The following NTRK3 variants were observed in gnomAD, a reference collection of about 807,000 sequenced individuals.
NTRK3 encodes NT-3 growth factor receptor.
A neutral mutation model predicts 91.7 loss-of-function variants in NTRK3; 24 were observed. That is an observed-to-expected ratio of 0.26 (90% CI 0.19 to 0.37). NTRK3 has a LOEUF of 0.37. NTRK3 is among the 10% of genes least tolerant of loss of function. The pLI is 1.00. For missense variants in NTRK3, 880 were observed against 1,068.9 expected, an observed-to-expected ratio of 0.82 and a Z score of 2.46; for synonymous variants, 483 against 404.0, an observed-to-expected ratio of 1.20 and a Z score of -2.34.
At chr15:88,066,163 C>T (rs1237402301) in intron 13 of NTRK3, among the ~76,000 whole-genome samples, 1 of 152,138 alleles carries the variant, frequency 6.6e-6, no homozygotes, top group Non-Finnish European at 1.5e-5. Flanking sequence ...ATGATAAAGA[C>T]CTTGCTTTTT....
At chr15:87,859,788 T>TTCTC in exon 19 of NTRK3, 1 of 176,412 alleles carries the variant, frequency 5.7e-6, no homozygotes, top group Admixed American at 6.3e-5. Context: ...AGACCCTACA[T>TTCTC]AAACTATGTC....
intron 13 of NTRK3, among the ~76,000 whole-genome samples, chr15:88,070,117 T>C (rs2046977433): frequency 6.6e-6 from 1 of 152,154 alleles, no homozygotes; most frequent in African/African-American, 2.4e-5. Flanking sequence ...TAGAGAAATA[T>C]GAGACGTCCT....
intron 10 of NTRK3, 48 bp from the exon 11 acceptor site, chr15:88,128,782 G>T: frequency 1.3e-6 from 2 of 1,533,384 alleles, no homozygotes; most frequent in South Asian, 2.2e-5. Flanking sequence ...ATAAAAACCA[G>T]AACAGACACA....
chr15:87,987,571 G>A (rs1027736736), intron 14 of NTRK3, among the ~76,000 whole-genome samples: 6 of 151,710 alleles, frequency 4.0e-5, no homozygotes, highest in African/African-American at 1.5e-4. Context: ...CTTGATTTGT[G>A]GGAGTTTGTT....
rs2048112271 is a variant in NTRK3, at chr15:88,199,509, AT to A, written c.249-15211del. Reference sequence around the variant, plus strand: ...GTCAGCTTCACCCTTGGGCAAGAACATTTAATATCCTGAAAGGAATTGTCCA... The same window carrying A: ...GTCAGCTTCACCCTTGGGCAAGAACATTAATATCCTGAAAGGAATTGTCCA... On this transcript the variant is annotated intron_variant, in intron 3 of 18. Transcript: ENST00000394480. 2.0e-5 allele frequency among the ~76,000 whole-genome samples: 3 copies of A among 152,336 alleles called. No individual in the cohort carries two copies. The South Asian group carries it at 6.2e-4, about 32-fold the overall frequency.
chr15:88,256,069 C>T, exon 3 of NTRK3: 1 of 1,613,276 alleles, frequency 6.2e-7, no homozygotes, highest in Middle Eastern at 1.7e-4. Context: ...CAAGCCAGCA[C>T]GGAGCCCACA....
chr15:87,868,164 T>C, exon 19 of NTRK3: 1 of 231,768 alleles, frequency 4.3e-6, no homozygotes, highest in Non-Finnish European at 8.5e-6. Context: ...GGCTTTTGTG[T>C]GTGTGTGTGC....
intron 13 of NTRK3, among the ~76,000 whole-genome samples, chr15:88,099,674 C>A (rs559392785): frequency 2.6e-5 from 4 of 152,308 alleles, no homozygotes; most frequent in South Asian, 2.1e-4. Context: ...AGAGAAGTCA[C>A]TTGATCTCTC....
intron 13 of NTRK3, among the ~76,000 whole-genome samples, chr15:88,124,854 G>A (rs1296983195): frequency 2.0e-5 from 3 of 152,172 alleles, no homozygotes; most frequent in Non-Finnish European, 4.4e-5. Context: ...TCTTTCTCTT[G>A]GTCAAAATAT....
At chr15:88,174,195 T>C (rs1196716817) in intron 5 of NTRK3, among the ~76,000 whole-genome samples, 2 of 152,058 alleles carry the variant, frequency 1.3e-5, no homozygotes, top group Non-Finnish European at 2.9e-5. Flanking sequence ...CCAGGAAGAA[T>C]TTCCCAAAAT....
intron 14 of NTRK3, among the ~76,000 whole-genome samples, chr15:87,952,933 C>A (rs1426883882): frequency 6.6e-6 from 1 of 152,040 alleles, no homozygotes; most frequent in East Asian, 1.9e-4. Flanking sequence ...CCAGGGCCTG[C>A]GAGTCCCAGC....
intron 5 of NTRK3, among the ~76,000 whole-genome samples, chr15:88,172,094 C>T (rs775576188): frequency 2.2e-4 from 34 of 152,228 alleles, no homozygotes; most frequent in Admixed American, 4.6e-4. Context: ...CCAGAACAAT[C>T]GCAGTGGCTG....
At chr15:87,878,517 T>C (rs2065059466) in intron 18 of NTRK3, among the ~76,000 whole-genome samples, 1 of 152,142 alleles carries the variant, frequency 6.6e-6, no homozygotes, top group Non-Finnish European at 1.5e-5. Flanking sequence ...ATTTCCACCC[T>C]CCATTACCTT....
At chr15:87,976,122 G>A (rs2073692184) in intron 14 of NTRK3, among the ~76,000 whole-genome samples, 1 of 152,086 alleles carries the variant, frequency 6.6e-6, no homozygotes, top group Admixed American at 6.6e-5. Flanking sequence ...TATTAAAAAT[G>A]AAAGTTCTCC....
At chr15:88,140,219 G>T (rs1249325087) in intron 6 of NTRK3, among the ~76,000 whole-genome samples, 1 of 152,180 alleles carries the variant, frequency 6.6e-6, no homozygotes. Flanking sequence ...ATAGTGTATA[G>T]GATAAGCTGG....
At chr15:87,861,135 T>A in exon 19 of NTRK3, 1 of 225,264 alleles carries the variant, frequency 4.4e-6, no homozygotes, top group Non-Finnish European at 8.9e-6. Context: ...CCCTTCAGAT[T>A]GCCAATATAT....
rs75386057 is a variant in NTRK3 at position 87,933,323 on chromosome 15, G to C, written c.1717-139C>G. On this transcript the variant is annotated intron_variant, in intron 15 of 18. Transcript: ENST00000394480. ...CTAAATGGAATTTAAAGACAATGAA[G>C]CTCAATCTCAACTATAAGGCCTGAC... 3,282 of 826,954 alleles carry C rather than the reference G, an allele frequency of 4.0e-3. 72 individuals are homozygous for C. The African/African-American group carries it at 0.051, about 13-fold the overall frequency. The allele number at this position is 826,954 out of a possible 1,614,324, so 51.2% of individuals were successfully genotyped here. A position where few individuals can be genotyped will look rare whatever the true frequency, so the allele number is the denominator to read the frequency against.
intron 3 of NTRK3, chr15:88,205,767 T>C (rs982698140): frequency 2.0e-5 from 3 of 152,154 alleles, no homozygotes; most frequent in Non-Finnish European, 4.4e-5. Flanking sequence ...CTAAGGACTT[T>C]GGGGATGGGA....
At chr15:87,924,245 C>T (rs913589280) in intron 17 of NTRK3, among the ~76,000 whole-genome samples, 2 of 152,042 alleles carry the variant, frequency 1.3e-5, no homozygotes, top group African/African-American at 4.8e-5. Context: ...AGTGTGGGTC[C>T]AAGAGCTTAC....
Sources: allele counts gnomAD v4.1 joint callset (sites outside exome capture counted in the v4.1 genomes callset), GRCh38; gene constraint gnomAD v4.1.1; transcripts MANE v1.5; gene names NCBI Gene and HGNC (gene_info 2026-07-23, HGNC 2026-07-21).